Variants in UNC13B observed in about 807,000 individuals in gnomAD.
UNC13B encodes unc-13 homolog B.
UNC13B carries 144 observed loss-of-function variants against 211.0 expected under a neutral mutation model. That is an observed-to-expected ratio of 0.68 (90% CI 0.60 to 0.78). The LOEUF (loss-of-function observed/expected upper bound fraction) is 0.78, where lower values mean the gene tolerates loss of function less well. Ranked by LOEUF, UNC13B falls within the 30% of genes least tolerant of loss-of-function variation. The pLI, the probability that UNC13B is intolerant of heterozygous loss-of-function variation, is 0.00. For synonymous variants in UNC13B, 709 were observed against 725.8 expected, an observed-to-expected ratio of 0.98 and a Z score of 0.37; for missense variants, 1,777 against 2,002.0, an observed-to-expected ratio of 0.89 and a Z score of 2.14.
At chr9:35,401,612 G>A (rs74979010) in intron 37 of UNC13B, among the ~76,000 whole-genome samples, 1,566 of 152,308 alleles carry the variant, frequency 0.01, 34 homozygotes, top group African/African-American at 0.035. Context: ...ATGTGTATGC[G>A]TGTGCATTTT....
rs763165776 is a variant in UNC13B at position 35,310,447 on chromosome 9, T to G, written c.9009-20T>G. On this transcript the variant is annotated intron_variant, in intron 9 of 39. Transcript: ENST00000635942. ...CTGATTGCATTTATTTACTTATCTG[T>G]CTTTCTGTCATTCTCACAGCCCCAC... is the stretch of plus-strand genomic sequence containing the variant. 10 of 1,609,514 alleles carry G rather than the reference T, an allele frequency of 6.2e-6. No individual in the cohort carries two copies. The highest frequency in any genetic ancestry group is 7.6e-6 in the Non-Finnish European group (9 of 1,176,594).
rs117582537 is a variant in UNC13B, at chr9:35,307,504, A to G, written c.8100A>G (p.Leu2700=). Reference sequence around the variant, plus strand: ...TGGAGCTGCATCCAGCCAGTTCACTAGAAACTGATACTATGCTGTTCAATG... The same window carrying G: ...TGGAGCTGCATCCAGCCAGTTCACTGGAAACTGATACTATGCTGTTCAATG... ...DLLELHPASS[L]ETDTMLFNDA... The change falls in exon 9 of 40, where the codon CTA becomes CTG. Residue 2700 remains leucine, a synonymous_variant. Coordinates refer to ENST00000635942, the MANE Select transcript of UNC13B (RefSeq NM_001371189.2). 4.3e-5 allele frequency: 17 copies of G among 399,072 alleles called. No individual in the cohort carries two copies. The East Asian group carries it at 4.3e-4, about 10-fold the overall frequency. 24.7% of individuals were successfully genotyped at this position (399,072 alleles called of 1,614,324 possible). A position where few individuals can be genotyped will look rare whatever the true frequency, so the allele number is the denominator to read the frequency against.
At chr9:35,345,805 T>A (rs1298401339) in intron 11 of UNC13B, among the ~76,000 whole-genome samples, 2 of 152,204 alleles carry the variant, frequency 1.3e-5, no homozygotes, top group Admixed American at 1.3e-4. Context: ...TCAGTCTCCA[T>A]TATGAGGTAT....
At chr9:35,187,504 T>C (rs1822426017) in intron 1 of UNC13B, among the ~76,000 whole-genome samples, 1 of 152,246 alleles carries the variant, frequency 6.6e-6, no homozygotes, top group African/African-American at 2.4e-5. Context: ...ATAATTTTTC[T>C]CTCTCCAGTC....
Position 35,381,739 on chromosome 9 carries a change from C to T in UNC13B, c.10655+20C>T. ...CATGACGTGAGTCTCTGCTGCGGCA[C>T]CGGGAAGTGGCTACTAATCACTGGG... is the stretch of plus-strand genomic sequence containing the variant. On this transcript the variant is annotated intron_variant, in intron 20 of 39. Coordinates refer to ENST00000635942, the MANE Select transcript of UNC13B (RefSeq NM_001371189.2). 1 of 1,609,654 alleles carries T rather than the reference C, an allele frequency of 6.2e-7. No homozygotes were observed. Among genetic ancestry groups the T allele is most frequent in the Non-Finnish European group, 8.5e-7 (1 of 1,176,672 alleles).
intron 13 of UNC13B, among the ~76,000 whole-genome samples, chr9:35,372,256 T>A (rs1026756223): frequency 6.6e-5 from 10 of 152,162 alleles, no homozygotes; most frequent in Non-Finnish European, 1.2e-4. Context: ...TGGGCGACAG[T>A]GCAAGACTCT....
rs181562439 is a variant in UNC13B at position 35,324,584 on chromosome 9, A to G, written c.9414+10595A>G. Among the ~76,000 whole-genome samples the G allele has an allele frequency of 2.6e-5, 4 of 152,308 alleles. No individual in the cohort carries two copies. The East Asian group carries it at 7.7e-4, about 29-fold the overall frequency. ...AAGGTCATCAGTGAGCTCCTAACTG[A>G]TAACTTAGTGGTTGCTTTTCAGTGT... On this transcript the variant is annotated intron_variant, in intron 11 of 39. Coordinates refer to ENST00000635942, the MANE Select transcript of UNC13B (RefSeq NM_001371189.2).
In UNC13B at chr9:35,396,555, C is replaced by G. The variant is rs777051872; in HGVS notation, c.11388C>G (p.Tyr3796Ter). The G allele has an allele frequency of 6.2e-7, 1 of 1,614,114 alleles. No individual in the cohort carries two copies. The highest frequency in any genetic ancestry group is 8.5e-7 in the Non-Finnish European group (1 of 1,180,024). The change falls in exon 27 of 40, where the codon TAC becomes TAG. Residue 3796 changes from tyrosine to a stop codon, truncating the protein, a stop_gained. Transcript: ENST00000635942. LOFTEE classifies it high-confidence loss of function. Reference sequence around the variant, plus strand: ...AGGTGAAGTGGCTCCACAATGAATACGTGCGGGATCTGCCTGTCCTCCAGG... The same window carrying G: ...AGGTGAAGTGGCTCCACAATGAATAGGTGCGGGATCTGCCTGTCCTCCAGG... ...HFKVKWLHNE[Y>*]VRDLPVLQGQ...
chr9:35,343,432 C>T (rs1240483448), intron 11 of UNC13B, among the ~76,000 whole-genome samples: 4 of 152,120 alleles, frequency 2.6e-5, no homozygotes, highest in African/African-American at 9.7e-5. Flanking sequence ...ATTGAGGTAA[C>T]CAGGTTTATC....
chr9:35,323,196 T>G (rs1253356433), intron 11 of UNC13B, among the ~76,000 whole-genome samples: 1 of 152,004 alleles, frequency 6.6e-6, no homozygotes, highest in African/African-American at 2.4e-5. Flanking sequence ...ACACCTTGCT[T>G]TTTTCATTTA....
intron 1 of UNC13B, among the ~76,000 whole-genome samples, chr9:35,183,361 C>G (rs529106621): frequency 7.5e-6 from 1 of 133,966 alleles, no homozygotes; most frequent in Admixed American, 7.4e-5. Flanking sequence ...GCGGGGCGGC[C>G]GGGCAGAGGC....
chr9:35,332,795 T>G (rs1362358615), intron 11 of UNC13B, among the ~76,000 whole-genome samples: 1 of 152,240 alleles, frequency 6.6e-6, no homozygotes, highest in South Asian at 2.1e-4. Context: ...TCTCATCTTT[T>G]ATCTTTCTAT....
chr9:35,295,272 GT>G (rs921067194), intron 7 of UNC13B, among the ~76,000 whole-genome samples: 1 of 152,036 alleles, frequency 6.6e-6, no homozygotes, highest in African/African-American at 2.4e-5. Context: ...AAGTTTTGGG[GT>G]TTTTTTCCCC....
chr9:35,326,869 A>G (rs1264446740), intron 11 of UNC13B, among the ~76,000 whole-genome samples: 1 of 152,232 alleles, frequency 6.6e-6, no homozygotes, highest in African/African-American at 2.4e-5. Context: ...GGACTACCGT[A>G]ATATCTATTC....
intron 1 of UNC13B, among the ~76,000 whole-genome samples, chr9:35,204,108 G>A (rs1823498470): frequency 6.6e-6 from 1 of 152,250 alleles, no homozygotes; most frequent in South Asian, 2.1e-4. Flanking sequence ...GAAGGGCCCA[G>A]GTATAGCTTG....
intron 1 of UNC13B, among the ~76,000 whole-genome samples, chr9:35,199,011 TC>T (rs1430343392): frequency 1.3e-5 from 2 of 152,084 alleles, no homozygotes; most frequent in Non-Finnish European, 2.9e-5. Context: ...CCCTCCCCGC[TC>T]CCCCTACTGC....
Position 35,304,584 on chromosome 9 carries a change from C to T in UNC13B, c.5180C>T (p.Thr1727Ile). 1 of 398,744 alleles carries T rather than the reference C, an allele frequency of 2.5e-6. No homozygotes were observed. The highest frequency in any genetic ancestry group is 4.4e-6 in the Non-Finnish European group (1 of 225,906). The allele number at this position is 398,744 out of a possible 1,614,324, so 24.7% of individuals were successfully genotyped here. The change falls in exon 9 of 40, where the codon ACC (threonine) becomes ATC (isoleucine). Residue 1727 changes from threonine to isoleucine, a missense_variant. By Grantham distance (89) the Thr-to-Ile change is moderately conservative. Coordinates refer to ENST00000635942, the MANE Select transcript of UNC13B (RefSeq NM_001371189.2). The part of the protein sequence containing the change: ...HWLQSSVEEV[T>I]TLVHPENMTK... ...CTTCAGTCTTCTGTTGAAGAAGTTACCACTTTGGTTCATCCTGAAAATATG... is the reference window on the plus strand; with the variant it reads ...CTTCAGTCTTCTGTTGAAGAAGTTATCACTTTGGTTCATCCTGAAAATATG...
chr9:35,305,087 G>A lies in UNC13B; in HGVS notation c.5683G>A (p.Glu1895Lys), dbSNP rs914940167. ...TCCTGCACCTCAGCATAGTGGGGAT[G>A]AGCGTGAGAATTATGAGCTTCCCCA... Reference protein sequence around the residue: ...VSPAPQHSGDERENYELPQGQ... With the variant: ...VSPAPQHSGDKRENYELPQGQ... The change falls in exon 9 of 40, where the codon GAG becomes AAG. Residue 1895 changes from glutamate to lysine, a missense_variant. Glu to Lys is a moderately conservative substitution (Grantham distance 56, BLOSUM62 1). Coordinates refer to ENST00000635942, the MANE Select transcript of UNC13B (RefSeq NM_001371189.2). 22 of 398,850 alleles carry A rather than the reference G, an allele frequency of 5.5e-5. No individual in the cohort carries two copies. The highest frequency in any genetic ancestry group is 8.8e-5 in the Non-Finnish European group (20 of 226,022). The allele number at this position is 398,850 out of a possible 1,614,324, so 24.7% of individuals were successfully genotyped here. A position where few individuals can be genotyped will look rare whatever the true frequency, so the allele number is the denominator to read the frequency against.
In UNC13B at chr9:35,237,734, C is replaced by T. The variant is rs775667930; in HGVS notation, c.302C>T (p.Ala101Val). ...CCTGGGGAATGGTCCACATTAGAGG[C>T]AGAGACGTTAATGAAAGACGATGAG... ...EGPGEWSTLE[A>V]ETLMKDDEIC... Residue 101 changes from alanine (A) to valine (V), a missense_variant, in exon 5 of 40, where the codon GCA becomes GTA. Coordinates refer to ENST00000635942, the MANE Select transcript of UNC13B (RefSeq NM_001371189.2). The T allele has an allele frequency of 4.3e-6, 7 of 1,613,884 alleles. No homozygotes were observed. In the East Asian group the frequency reaches 8.9e-5, roughly 21 times the overall value.
Sources: allele counts gnomAD v4.1 joint callset (sites outside exome capture counted in the v4.1 genomes callset), GRCh38; gene constraint gnomAD v4.1.1; transcripts MANE v1.5; gene names NCBI Gene and HGNC (gene_info 2026-07-23, HGNC 2026-07-21).